The following AGBL4 variants were observed in gnomAD, a reference collection of about 807,000 sequenced individuals.
AGBL4 encodes AGBL carboxypeptidase 4.
In AGBL4, 58 loss-of-function variants were observed where a neutral mutation model predicts 66.4. That is an observed-to-expected ratio of 0.87 (90% confidence interval 0.71 to 1.09). AGBL4 has a LOEUF of 1.09. Ranked by LOEUF, AGBL4 falls within the 50% of genes least tolerant of loss-of-function variation. The pLI is 0.00. For missense variants in AGBL4, 579 were observed against 631.0 expected, an observed-to-expected ratio of 0.92 and a Z score of 0.88; for synonymous variants, 234 against 222.9, an observed-to-expected ratio of 1.05 and a Z score of -0.44.
intron 4 of AGBL4, among the ~76,000 whole-genome samples, chr1:49,059,472 A>G (rs1381173777): frequency 1.3e-5 from 2 of 152,246 alleles, no homozygotes; most frequent in Non-Finnish European, 2.9e-5. Context: ...CCTCACGGAG[A>G]AACTCTGCTA....
intron 1 of AGBL4, among the ~76,000 whole-genome samples, chr1:49,938,591 C>T (rs1654370361): frequency 6.6e-6 from 1 of 152,116 alleles, no homozygotes; most frequent in Non-Finnish European, 1.5e-5. Context: ...ATGCAAAAAT[C>T]CTCAATAAAA....
intron 3 of AGBL4, among the ~76,000 whole-genome samples, chr1:49,490,535 T>C (rs1416518748): frequency 6.6e-6 from 1 of 151,858 alleles, no homozygotes; most frequent in Non-Finnish European, 1.5e-5. Context: ...CAAAGTTTGC[T>C]AGCCTCTTTA....
chr1:49,303,323 T>C (rs573963295), intron 3 of AGBL4, among the ~76,000 whole-genome samples: 72 of 152,276 alleles, frequency 4.7e-4, no homozygotes, highest in South Asian at 3.1e-3. Flanking sequence ...CCAGCATCTG[T>C]TTTTTCTTGA....
intron 3 of AGBL4, among the ~76,000 whole-genome samples, chr1:49,606,249 G>C (rs761249538): frequency 3.9e-5 from 6 of 152,136 alleles, no homozygotes; most frequent in Admixed American, 6.6e-5. Flanking sequence ...CCACAGGCGA[G>C]AGCTGCTGGG....
chr1:49,492,010 T>C (rs1241648448), intron 3 of AGBL4, among the ~76,000 whole-genome samples: 1 of 151,940 alleles, frequency 6.6e-6, no homozygotes, highest in Non-Finnish European at 1.5e-5. Flanking sequence ...TAAACTGTAA[T>C]GAAAGTGATG....
chr1:50,012,785 G>T (rs1378013171), intron 1 of AGBL4, among the ~76,000 whole-genome samples: 1 of 152,110 alleles, frequency 6.6e-6, no homozygotes, highest in Non-Finnish European at 1.5e-5. Context: ...GCCTAAATGT[G>T]AAACTGCATT....
chr1:48,772,358 G>A (rs535625879), intron 6 of AGBL4, among the ~76,000 whole-genome samples: 19 of 152,312 alleles, frequency 1.2e-4, no homozygotes, highest in Non-Finnish European at 2.1e-4. Flanking sequence ...ATCACAGGTG[G>A]AGGGGGGCTG....
intron 4 of AGBL4, among the ~76,000 whole-genome samples, chr1:49,046,955 A>G (rs1644095992): frequency 6.6e-6 from 1 of 152,148 alleles, no homozygotes; most frequent in Non-Finnish European, 1.5e-5. Context: ...GACAAATGTG[A>G]GGAGGAAGGT....
chr1:49,579,076 A>C (rs1272541963), intron 3 of AGBL4, among the ~76,000 whole-genome samples: 1 of 152,186 alleles, frequency 6.6e-6, no homozygotes, highest in Non-Finnish European at 1.5e-5. Context: ...CCCATGCTGG[A>C]CACTTCCTGT....
chr1:49,205,092 T>C (rs1474953897), intron 4 of AGBL4, among the ~76,000 whole-genome samples: 1 of 152,112 alleles, frequency 6.6e-6, no homozygotes, highest in African/African-American at 2.4e-5. Context: ...CTATAAACCA[T>C]AGTCTAGACG....
In AGBL4 at chr1:49,360,840, A is replaced by C. The variant is rs1422485799; in HGVS notation, c.283-114976T>G. Reference sequence around the variant, plus strand: ...TTAATTTTTATTTTTTTTGAGATGGAGTCACTCTGTTGCCCAGGCTGGAGT... The same window carrying C: ...TTAATTTTTATTTTTTTTGAGATGGCGTCACTCTGTTGCCCAGGCTGGAGT... On this transcript the variant is annotated intron_variant, in intron 3 of 13. Transcript: ENST00000371839. 2.6e-5 allele frequency among the ~76,000 whole-genome samples: 4 copies of C among 152,108 alleles called. No individual in the cohort carries two copies. The East Asian group carries it at 7.7e-4, about 29-fold the overall frequency.
chr1:48,588,851 A>AGAAGGGAAGAGAAGG (rs1553191785), intron 10 of AGBL4, among the ~76,000 whole-genome samples: 1 of 139,042 alleles, frequency 7.2e-6, no homozygotes, highest in Non-Finnish European at 1.6e-5. Context: ...AGAAGAGAAG[A>AGAAGGGAAGAGAAGG]GAAGAGAAGG....
chr1:49,798,002 A>G (rs1644772183), intron 2 of AGBL4, among the ~76,000 whole-genome samples: 1 of 152,086 alleles, frequency 6.6e-6, no homozygotes, highest in African/African-American at 2.4e-5. Context: ...ACCTCAGGTG[A>G]TACATCCAAA....
chr1:49,316,519 T>C (rs1645042320), intron 3 of AGBL4, among the ~76,000 whole-genome samples: 1 of 151,172 alleles, frequency 6.6e-6, no homozygotes, highest in East Asian at 1.9e-4. Context: ...TGAACGAGAG[T>C]TGCAAAGCAG....
intron 3 of AGBL4, among the ~76,000 whole-genome samples, chr1:49,568,611 C>G (rs1346095549): frequency 1.3e-5 from 2 of 151,748 alleles, no homozygotes; most frequent in Non-Finnish European, 2.9e-5. Flanking sequence ...CTATCCCTAT[C>G]AAACTACCAA....
chr1:48,852,960 G>A (rs902682520), intron 6 of AGBL4, among the ~76,000 whole-genome samples: 1 of 152,110 alleles, frequency 6.6e-6, no homozygotes, highest in East Asian at 1.9e-4. Context: ...TAACTTCCTA[G>A]TATTCACATC....
intron 2 of AGBL4, among the ~76,000 whole-genome samples, chr1:49,769,063 G>T (rs1169607835): frequency 6.6e-6 from 1 of 152,032 alleles, no homozygotes; most frequent in Non-Finnish European, 1.5e-5. Context: ...TGGCCAGGAT[G>T]GTCTCGATCT....
chr1:48,676,075 A>G (rs930577253), intron 6 of AGBL4, among the ~76,000 whole-genome samples: 1 of 152,230 alleles, frequency 6.6e-6, no homozygotes, highest in Non-Finnish European at 1.5e-5. Flanking sequence ...CCTGGGGTAC[A>G]TGGAAGTAGA....
intron 5 of AGBL4, among the ~76,000 whole-genome samples, chr1:49,009,590 G>C (rs965948169): frequency 3.9e-5 from 6 of 152,042 alleles, no homozygotes; most frequent in African/African-American, 7.3e-5. Flanking sequence ...GAGAATTTTA[G>C]ACCAATATCC....
Sources: allele counts gnomAD v4.1 joint callset (sites outside exome capture counted in the v4.1 genomes callset), GRCh38; gene constraint gnomAD v4.1.1; transcripts MANE v1.5; gene names NCBI Gene and HGNC (gene_info 2026-07-23, HGNC 2026-07-21).